KCNG4: variants seen among roughly 807,000 people sequenced by gnomAD.
The protein encoded by KCNG4 is potassium voltage-gated channel modifier subfamily G member 4.
In KCNG4, 30 loss-of-function variants were observed where a neutral mutation model predicts 28.2. The ratio of observed to expected loss-of-function variants is 1.06; its 90% CI spans 0.80 to 1.44. KCNG4 has a LOEUF of 1.44. Among genes scored for constraint, KCNG4 ranks in the 40% most tolerant of loss-of-function variants. The probability of loss-of-function intolerance (pLI) is 0.00; values close to 1 mark genes in which losing one functional copy is unlikely to be tolerated. For missense variants in KCNG4, 879 were observed against 712.3 expected, an observed-to-expected ratio of 1.23 and a Z score of -2.66; for synonymous variants, 375 against 315.5, an observed-to-expected ratio of 1.19 and a Z score of -2.00.
chr16:84,230,686 C>T (rs1904807768), intron 2 of KCNG4, among the ~76,000 whole-genome samples: 1 of 152,250 alleles, frequency 6.6e-6, no homozygotes, highest in Admixed American at 6.5e-5. Context: ...GACCAAAGAG[C>T]CCGTGCAGTT....
At position 84,221,274 on chromosome 16, in the gene KCNG4, A is replaced by T. The variant is rs1460534491; in HGVS notation, c.*943T>A. The T allele has an allele frequency of 6.6e-6, 1 of 152,236 alleles. No individual in the cohort carries two copies. The highest frequency in any genetic ancestry group is 1.5e-5 in the Non-Finnish European group (1 of 68,062). 9.4% of individuals were successfully genotyped at this position (152,236 alleles called of 1,614,324 possible). On this transcript the variant is annotated 3_prime_UTR_variant, in exon 3 of 3. Transcript: ENST00000308251. ...TTGTTTCTGTGCCAAAGCTACATTGAGTCCATGGGGGCTCAGCTGTGGATG... is the reference window on the plus strand; with the variant it reads ...TTGTTTCTGTGCCAAAGCTACATTGTGTCCATGGGGGCTCAGCTGTGGATG...
chr16:84,231,839 A>G (rs1047561620), intron 2 of KCNG4, among the ~76,000 whole-genome samples: 7 of 152,010 alleles, frequency 4.6e-5, no homozygotes, highest in Non-Finnish European at 7.4e-5. Flanking sequence ...CCTCATCTCT[A>G]CTAAAAATAC....
chr16:84,234,555 A>C (rs182392761), intron 2 of KCNG4, among the ~76,000 whole-genome samples: 1 of 152,244 alleles, frequency 6.6e-6, no homozygotes, highest in East Asian at 1.9e-4. Flanking sequence ...TTGCTATGAG[A>C]AGGTAGAAAA....
rs201846853 is a variant in KCNG4, at chr16:84,222,334, G to A, written c.1443C>T (p.Thr481=). The A allele has an allele frequency of 8.1e-6, 13 of 1,613,986 alleles. No individual in the cohort carries two copies. The highest frequency in any genetic ancestry group is 2.7e-5 in the African/African-American group (2 of 74,930). The part of the protein sequence containing the change: ...LQARLRHLQN[T]GPASECELLD... Reference sequence around the variant, plus strand: ...GGAGTTCACATTCACTGGCTGGACCGGTGTTTTGGAGGTGGCGGAGGCGGG... The same window carrying A: ...GGAGTTCACATTCACTGGCTGGACCAGTGTTTTGGAGGTGGCGGAGGCGGG... The change falls in exon 3 of 3, where the codon ACC becomes ACT. Residue 481 remains threonine (T), a synonymous_variant. Transcript: ENST00000308251.
chr16:84,237,143 T>C lies in KCNG4; in HGVS notation c.343A>G (p.Arg115Gly), dbSNP rs1435857747. Reference sequence around the variant, plus strand: ...ATCACCCCGAAGGCGCTGGGGCTCCTGTCGAAGAAGAACTCCTGGCTGTCC... The same window carrying C: ...ATCACCCCGAAGGCGCTGGGGCTCCCGTCGAAGAAGAACTCCTGGCTGTCC... ...DEDSQEFFFD[R>G]SPSAFGVIVS... Residue 115 changes from arginine (R) to glycine (G), a missense_variant, in exon 2 of 3, where the codon AGG becomes GGG. Physicochemically the swap from Arg to Gly is moderately radical, Grantham distance 125. Transcript: ENST00000308251. 6.2e-7 allele frequency: 1 copy of C among 1,614,158 alleles called. No homozygotes were observed. Among genetic ancestry groups the C allele is most frequent in the Admixed American group, 1.7e-5 (1 of 60,026 alleles).
chr16:84,222,893 A>G lies in KCNG4; in HGVS notation c.884T>C (p.Leu295Pro), dbSNP rs144355827. 8 of 1,611,948 alleles carry G rather than the reference A, an allele frequency of 5.0e-6. No homozygotes were observed. In the African/African-American group the frequency reaches 8.0e-5, roughly 16 times the overall value. ...GATGGCCAGGATGTCGATGATGTTC[A>G]GGGGCCCCTGGAAGAACTGACACTT... Reference protein sequence around the residue: ...QDKCQFFQGPLNIIDILAISP... With the variant: ...QDKCQFFQGPPNIIDILAISP... The change falls in exon 3 of 3, where the codon CTG becomes CCG. Residue 295 changes from leucine (L) to proline (P), a missense_variant. Transcript: ENST00000308251.
chr16:84,230,402 C>CAAAAA (rs36051103), intron 2 of KCNG4, among the ~76,000 whole-genome samples: 1 of 30,324 alleles, frequency 3.3e-5, no homozygotes, highest in Non-Finnish European at 6.1e-5. Context: ...GACTTCATCT[C>CAAAAA]AAAAAAAAAA....
Position 84,222,888 on chromosome 16 carries a change from T to C in KCNG4, c.889A>G (p.Ile297Val), listed in dbSNP as rs771503292. 1.9e-6 allele frequency: 3 copies of C among 1,612,064 alleles called. No individual in the cohort carries two copies. The highest frequency in any genetic ancestry group is 2.7e-5 in the African/African-American group (2 of 74,902). ...KCQFFQGPLN[I>V]IDILAISPYY... The stretch of plus-strand genomic sequence containing the variant: ...GGGGAGATGGCCAGGATGTCGATGA[T>C]GTTCAGGGGCCCCTGGAAGAACTGA... The change falls in exon 3 of 3, where the codon ATC becomes GTC. Residue 297 changes from isoleucine to valine, a missense_variant. Transcript: ENST00000308251.
At chr16:84,224,804 G>A (rs1481938724) in intron 2 of KCNG4, among the ~76,000 whole-genome samples, 1 of 152,222 alleles carries the variant, frequency 6.6e-6, no homozygotes, top group Non-Finnish European at 1.5e-5. Flanking sequence ...TCAGTGGCCA[G>A]TGCGAAGCCA....
In KCNG4 at chr16:84,221,280, T is replaced by C. The variant is rs1904549969; in HGVS notation, c.*937A>G. The C allele has an allele frequency of 6.6e-6, 1 of 152,242 alleles. No individual in the cohort carries two copies. The highest frequency in any genetic ancestry group is 2.4e-5 in the African/African-American group (1 of 41,452). 9.4% of individuals were successfully genotyped at this position (152,242 alleles called of 1,614,324 possible). A position where few individuals can be genotyped will look rare whatever the true frequency, so the allele number is the denominator to read the frequency against. ...CTGTGCCAAAGCTACATTGAGTCCA[T>C]GGGGGCTCAGCTGTGGATGAAAAGC... On this transcript the variant is annotated 3_prime_UTR_variant, in exon 3 of 3. Transcript: ENST00000308251.
rs1195916379 is a variant in KCNG4 at position 84,218,659 on chromosome 16, C to CAAT, written c.*3557_*3558insATT. On this transcript the variant is annotated 3_prime_UTR_variant, in exon 3 of 3. Transcript: ENST00000308251. ...GACTAAAACAATTTAGACCCGTCTCCTGGGACATTACCAGGGAGAAAAAAT... is the reference window on the plus strand; with the variant it reads ...GACTAAAACAATTTAGACCCGTCTCCAATTGGGACATTACCAGGGAGAAAAAAT... 1 of 152,228 alleles carries CAAT rather than the reference C, an allele frequency of 6.6e-6. No homozygotes were observed. Among genetic ancestry groups the CAAT allele is most frequent in the Admixed American group, 6.5e-5 (1 of 15,278 alleles). The allele number at this position is 152,228 out of a possible 1,614,324, so 9.4% of individuals were successfully genotyped here. A position where few individuals can be genotyped will look rare whatever the true frequency, so the allele number is the denominator to read the frequency against.
Position 84,236,921 on chromosome 16 carries a change from C to T in KCNG4, c.565G>A (p.Glu189Lys), listed in dbSNP as rs868649320. The T allele has an allele frequency of 1.9e-6, 3 of 1,613,550 alleles. No homozygotes were observed. Among genetic ancestry groups the T allele is most frequent in the Non-Finnish European group, 2.5e-6 (3 of 1,180,020 alleles). Residue 189 changes from glutamate to lysine, a missense_variant, in exon 2 of 3, where the codon GAG (glutamate) becomes AAG (lysine). Transcript: ENST00000308251. ...HREDVLRQQR[E>K]TRRPASHSSR... ...GAGTGCGAGGCGGGGCGGCGGGTCT[C>T]CCTCTGCTGCCTCAGTACGTCCTCC...
intron 2 of KCNG4, among the ~76,000 whole-genome samples, chr16:84,233,504 A>T (rs979211852): frequency 3.9e-5 from 6 of 152,122 alleles, no homozygotes; most frequent in Non-Finnish European, 8.8e-5. Flanking sequence ...GGAGTTTGAG[A>T]CCAGCCTGGG....
intron 2 of KCNG4, among the ~76,000 whole-genome samples, chr16:84,227,061 T>C (rs1473813330): frequency 6.6e-6 from 1 of 151,870 alleles, no homozygotes; most frequent in Non-Finnish European, 1.5e-5. Flanking sequence ...CAAATTGACA[T>C]CCACTAGGAT....
chr16:84,230,235 T>A (rs1361684011), intron 2 of KCNG4, among the ~76,000 whole-genome samples: 2 of 151,870 alleles, frequency 1.3e-5, no homozygotes, highest in Non-Finnish European at 2.9e-5. Context: ...CGAAACCCCG[T>A]CTCTACTAAA....
chr16:84,237,337 A>G lies in KCNG4; in HGVS notation c.149T>C (p.Leu50Pro). ...CTTCAGGTCCACTGGGGAGGCGTCCAGGGCACCCACCTTCCGCACCCTCCG... is the reference window on the plus strand; with the variant it reads ...CTTCAGGTCCACTGGGGAGGCGTCCGGGGCACCCACCTTCCGCACCCTCCG... ...YYRRVRKVGA[L>P]DASPVDLKKE... is the part of the protein sequence containing the mutation. The change falls in exon 2 of 3, where the codon CTG (leucine) becomes CCG (proline). Residue 50 changes from leucine to proline, a missense_variant. Coordinates refer to ENST00000308251, the MANE Select transcript of KCNG4 (RefSeq NM_172347.3). 1 of 1,577,990 alleles carries G rather than the reference A, an allele frequency of 6.3e-7. No homozygotes were observed. Among genetic ancestry groups the G allele is most frequent in the Non-Finnish European group, 8.6e-7 (1 of 1,161,876 alleles).
At chr16:84,225,209 C>T (rs923179843) in intron 2 of KCNG4, among the ~76,000 whole-genome samples, 1 of 152,016 alleles carries the variant, frequency 6.6e-6, no homozygotes. Flanking sequence ...TCCAGCCCAC[C>T]GAGAGGTCTT....
chr16:84,222,107 C>G lies in KCNG4; in HGVS notation c.*110G>C. 8.4e-7 allele frequency: 1 copy of G among 1,189,132 alleles called. No individual in the cohort carries two copies. The highest frequency in any genetic ancestry group is 1.4e-5 in the South Asian group (1 of 70,206). The allele number at this position is 1,189,132 out of a possible 1,614,324, so 73.7% of individuals were successfully genotyped here. Reference sequence around the variant, plus strand: ...CTTATGCCCCTCCAGCTTTGAAAGTCTTCCCTGGGCTCTAGAAACACCACC... The same window carrying G: ...CTTATGCCCCTCCAGCTTTGAAAGTGTTCCCTGGGCTCTAGAAACACCACC... On this transcript the variant is annotated 3_prime_UTR_variant, in exon 3 of 3. Coordinates refer to ENST00000308251, the MANE Select transcript of KCNG4 (RefSeq NM_172347.3).
Position 84,220,406 on chromosome 16 carries a change from CTAGGTGCTGGTG to C in KCNG4, c.*1799_*1810del. Reference sequence around the variant, plus strand: ...CCAGGAGGCCAAGGCTCCCTGGACGCTAGGTGCTGGTGCAGGGTGCTTCCTGGGCCAGAGCCC... The same window carrying C: ...CCAGGAGGCCAAGGCTCCCTGGACGCCAGGGTGCTTCCTGGGCCAGAGCCC... On this transcript the variant is annotated 3_prime_UTR_variant, in exon 3 of 3. Coordinates refer to ENST00000308251, the MANE Select transcript of KCNG4 (RefSeq NM_172347.3). 6.6e-6 allele frequency: 1 copy of C among 152,300 alleles called. No homozygotes were observed. Among genetic ancestry groups the C allele is most frequent in the South Asian group, 2.1e-4 (1 of 4,834 alleles). The allele number at this position is 152,300 out of a possible 1,614,324, so 9.4% of individuals were successfully genotyped here. A position where few individuals can be genotyped will look rare whatever the true frequency, so the allele number is the denominator to read the frequency against.
Sources: allele counts gnomAD v4.1 joint callset (sites outside exome capture counted in the v4.1 genomes callset), GRCh38; gene constraint gnomAD v4.1.1; transcripts MANE v1.5; gene names NCBI Gene and HGNC (gene_info 2026-07-23, HGNC 2026-07-21).